The following FAM110A variants were observed in gnomAD, a reference collection of about 807,000 sequenced individuals.
The protein encoded by FAM110A is family with sequence similarity 110 member A.
FAM110A carries 1 observed loss-of-function variant against 4.0 expected under a neutral mutation model. The observed-to-expected ratio is 0.25, with a 90% CI of 0.09 to 1.20. The LOEUF (loss-of-function observed/expected upper bound fraction) is 1.20. Among genes scored for constraint, FAM110A ranks in the 50% most tolerant of loss-of-function variants. The pLI is 0.50. For missense variants in FAM110A, 436 were observed against 429.2 expected (o/e 1.02, Z -0.14); for synonymous variants, 217 against 196.8 (o/e 1.10, Z -0.86).
intron 1 of FAM110A, 159 bp from the exon 2 acceptor site, chr20:844,549 C>A (rs1032566229): frequency 9.4e-5 from 17 of 181,722 alleles, no homozygotes; most frequent in South Asian, 9.2e-4. Flanking sequence ...GGGCCTGAGG[C>A]CCCGCAGCTG....
chr20:840,093 C>G lies in FAM110A; in HGVS notation c.-97-4615C>G. 3.0e-6 allele frequency: 2 copies of G among 675,564 alleles called. No homozygotes were observed. The highest frequency in any genetic ancestry group is 5.3e-6 in the Non-Finnish European group (2 of 378,752). The allele number at this position is 675,564 out of a possible 1,614,324, so 41.8% of individuals were successfully genotyped here. On this transcript the variant is annotated intron_variant, in intron 1 of 1. Transcript: ENST00000381941. The surrounding 1 kb of genome is among the most constrained non-coding windows in gnomAD (Gnocchi z 4.4). ...TTACTACTATTAGCGCCTGAAGGAG[C>G]CTTCCCTCCCCATCCCCCATTTCTG...
chr20:839,744 A>G (rs1226630814), intron 1 of FAM110A: 18 of 1,366,050 alleles, frequency 1.3e-5, no homozygotes, highest in Non-Finnish European at 1.8e-5. Context: ...AATCACGGAG[A>G]TACTGGCTAC....
chr20:843,271 G>A (rs527835115), intron 1 of FAM110A, among the ~76,000 whole-genome samples: 1 of 152,076 alleles, frequency 6.6e-6, no homozygotes, highest in East Asian at 1.9e-4. Context: ...AGGGAGGATG[G>A]CACCCAGCAG....
chr20:837,169 C>T (rs1979628526), intron 1 of FAM110A, among the ~76,000 whole-genome samples: 1 of 149,590 alleles, frequency 6.7e-6, no homozygotes, highest in South Asian at 2.1e-4. Flanking sequence ...TCTCCTGCTT[C>T]AGCCTCCTGA....
rs1980165839 is a variant in FAM110A, at chr20:844,753, TCC to T, written c.-51_-50del. The T allele has an allele frequency of 2.3e-6, 2 of 887,702 alleles. No homozygotes were observed. The highest frequency in any genetic ancestry group is 2.8e-5 in the African/African-American group (1 of 35,304). The allele number at this position is 887,702 out of a possible 1,614,324, so 55.0% of individuals were successfully genotyped here. A position where few individuals can be genotyped will look rare whatever the true frequency, so the allele number is the denominator to read the frequency against. ...CCTACTTTCTGCCCGGATCTCTGGC[TCC>T]TCATCTCTCCGGTCTCCGCAGACTA... On this transcript the variant is annotated 5_prime_UTR_variant, in exon 2 of 2. Coordinates refer to ENST00000381941, the MANE Select transcript of FAM110A (RefSeq NM_001042353.3).
chr20:835,211 TATACACACACAC>T (rs1433679166), intron 1 of FAM110A, among the ~76,000 whole-genome samples: 66 of 150,146 alleles, frequency 4.4e-4, no homozygotes, highest in African/African-American at 1.6e-3. Flanking sequence ...TATATATATA[TATACACACACAC>T]ATATATACAC....
chr20:845,736 G>C lies in FAM110A; in HGVS notation c.*44G>C, dbSNP rs1980312590. 5 of 1,611,254 alleles carry C rather than the reference G, an allele frequency of 3.1e-6. No individual in the cohort carries two copies. Among genetic ancestry groups the C allele is most frequent in the Non-Finnish European group, 4.2e-6 (5 of 1,178,816 alleles). ...TTCGCCACAGGACGGATCTTACAGA[G>C]GCAAGTGGTCCCTGGACCTCTCTTG... On this transcript the variant is annotated 3_prime_UTR_variant, in exon 2 of 2. Transcript: ENST00000381941.
chr20:835,202 A>C (rs13038389), intron 1 of FAM110A, among the ~76,000 whole-genome samples: 20,557 of 136,630 alleles, frequency 0.15, 1,603 homozygotes, highest in Non-Finnish European at 0.19. Flanking sequence ...CTCTCTCTCT[A>C]TATATATATA....
In FAM110A at chr20:844,988, A is replaced by G; in HGVS notation, c.184A>G (p.Thr62Ala). Residue 62 changes from threonine to alanine, a missense_variant, in exon 2 of 2, where the codon ACC becomes GCC. Physicochemically the swap from Thr to Ala is moderately conservative, Grantham distance 58. Transcript: ENST00000381941. The stretch of plus-strand genomic sequence containing the variant: ...CGTCAAGAGCCTGCACGTGGCCAAC[A>G]CCCGCCAGGAGCCTGTGCAGCCCCT... The part of the protein sequence containing the change: ...KYVKSLHVAN[T>A]RQEPVQPLLS... 1.3e-6 allele frequency: 2 copies of G among 1,589,966 alleles called. No homozygotes were observed. Among genetic ancestry groups the G allele is most frequent in the Non-Finnish European group, 1.7e-6 (2 of 1,169,256 alleles).
chr20:840,105 A>C lies in FAM110A; in HGVS notation c.-97-4603A>C. On this transcript the variant is annotated intron_variant, in intron 1 of 1. Coordinates refer to ENST00000381941, the MANE Select transcript of FAM110A (RefSeq NM_001042353.3). This position sits in a 1 kb window ranked among gnomAD's most constrained non-coding sequence, Gnocchi z 4.4. ...GCGCCTGAAGGAGCCTTCCCTCCCC[A>C]TCCCCCATTTCTGCCTCCGTGGAGG... The C allele has an allele frequency of 1.5e-6, 1 of 654,158 alleles. No homozygotes were observed. The highest frequency in any genetic ancestry group is 2.8e-6 in the Non-Finnish European group (1 of 362,900). 40.5% of individuals were successfully genotyped at this position (654,158 alleles called of 1,614,324 possible).
At chr20:836,239 C>A (rs1979563680) in intron 1 of FAM110A, 2 of 25,862 alleles carry the variant, frequency 7.7e-5, no homozygotes, top group African/African-American at 1.8e-4. Context: ...CTAAATTTTA[C>A]ATTTTTTGGG....
At chr20:838,997 C>T (rs1979726655) in intron 1 of FAM110A, among the ~76,000 whole-genome samples, 1 of 152,016 alleles carries the variant, frequency 6.6e-6, no homozygotes, top group South Asian at 2.1e-4. Flanking sequence ...GTTATTGCCC[C>T]CATTTTACAG....
At chr20:842,493 C>T (rs1979989034) in intron 1 of FAM110A, among the ~76,000 whole-genome samples, 1 of 152,154 alleles carries the variant, frequency 6.6e-6, no homozygotes, top group Admixed American at 6.5e-5. Flanking sequence ...CCTTTCCTGT[C>T]AGGTCCTTCC....
chr20:838,817 ATTT>A (rs35060058), intron 1 of FAM110A, among the ~76,000 whole-genome samples: 8,007 of 128,806 alleles, frequency 0.062, 261 homozygotes, highest in South Asian at 0.09. Context: ...GGGAGCTTGG[ATTT>A]TTTTTTTTTT....
Position 844,919 on chromosome 20 carries a change from A to G in FAM110A, c.115A>G (p.Lys39Glu), listed in dbSNP as rs1286552528. 1 of 1,573,870 alleles carries G rather than the reference A, an allele frequency of 6.4e-7. No homozygotes were observed. The highest frequency in any genetic ancestry group is 1.2e-5 in the South Asian group (1 of 86,068). Residue 39 changes from lysine (K) to glutamate (E), a missense_variant, in exon 2 of 2, where the codon AAA becomes GAA. Coordinates refer to ENST00000381941, the MANE Select transcript of FAM110A (RefSeq NM_001042353.3). ...LRGPADGGAR[K>E]PSAVERLEAD... Reference sequence around the variant, plus strand: ...GGGGCCGGCAGATGGTGGAGCCCGGAAACCGAGCGCTGTGGAGCGCCTGGA... The same window carrying G: ...GGGGCCGGCAGATGGTGGAGCCCGGGAACCGAGCGCTGTGGAGCGCCTGGA...
intron 1 of FAM110A, 79 bp from the exon 2 acceptor site, chr20:844,629 T>C (rs1184734590): frequency 3.8e-6 from 4 of 1,055,618 alleles, no homozygotes; most frequent in Non-Finnish European, 5.0e-6. Flanking sequence ...GGAGGGCGTC[T>C]TATCCTCTCA....
At position 840,042 on chromosome 20, in the gene FAM110A, C is replaced by T. The variant is rs746437680; in HGVS notation, c.-97-4666C>T. The T allele has an allele frequency of 4.8e-5, 41 of 847,436 alleles. No homozygotes were observed. The highest frequency in any genetic ancestry group is 1.1e-4 in the Admixed American group (5 of 47,114). The allele number at this position is 847,436 out of a possible 1,614,324, so 52.5% of individuals were successfully genotyped here. On this transcript the variant is annotated intron_variant, in intron 1 of 1. Coordinates refer to ENST00000381941, the MANE Select transcript of FAM110A (RefSeq NM_001042353.3). This position sits in a 1 kb window ranked among gnomAD's most constrained non-coding sequence, Gnocchi z 4.4. ...AGGACTGTTCTTTTCTTTGCTATTA[C>T]GAAAATCATTATTGTTGCTTTGCTG...
At chr20:837,013 T>C (rs1159856445) in intron 1 of FAM110A, among the ~76,000 whole-genome samples, 1 of 151,500 alleles carries the variant, frequency 6.6e-6, no homozygotes, top group Admixed American at 6.6e-5. Flanking sequence ...TTGTTATCTT[T>C]GGAGAAATGT....
At position 834,627 on chromosome 20, in the gene FAM110A, T is replaced by TGCCCC. The variant is rs1979478920; in HGVS notation, c.-98+677_-98+681dup. Among the ~76,000 whole-genome samples the TGCCCC allele has an allele frequency of 1.3e-5, 2 of 152,286 alleles. No individual in the cohort carries two copies. Among genetic ancestry groups the TGCCCC allele is most frequent in the South Asian group, 4.1e-4 (2 of 4,828 alleles). ...TGCTGTGTCTCCTGGGGACACCCCC[T>TGCCCC]GCCCCCTAGGTTGCTATTGTCAGTC... On this transcript the variant is annotated intron_variant, in intron 1 of 1. Coordinates refer to ENST00000381941, the MANE Select transcript of FAM110A (RefSeq NM_001042353.3). The surrounding 1 kb of genome is among the most constrained non-coding windows in gnomAD (Gnocchi z 5.6).
Sources: allele counts gnomAD v4.1 joint callset (sites outside exome capture counted in the v4.1 genomes callset), GRCh38; gene constraint gnomAD v4.1.1; non-coding constraint Gnocchi (gnomAD v3.1); transcripts MANE v1.5; gene names NCBI Gene and HGNC (gene_info 2026-07-23, HGNC 2026-07-21).